SIPA1L3: variants seen among roughly 807,000 people sequenced by gnomAD.
SIPA1L3 encodes signal-induced proliferation-associated 1-like protein 3.
In SIPA1L3, 59 loss-of-function variants were observed where a neutral mutation model predicts 150.1. The observed-to-expected ratio is 0.39, with a 90% CI of 0.32 to 0.49. The LOEUF is 0.49. Among genes scored for constraint, SIPA1L3 ranks in the 20% least tolerant of loss-of-function variants. The pLI, the probability that SIPA1L3 is intolerant of heterozygous loss-of-function variation, is 0.86. For missense variants in SIPA1L3, 2,211 were observed against 2,489.5 expected, an observed-to-expected ratio of 0.89 and a Z score of 2.38; for synonymous variants, 1,070 against 1,077.6, an observed-to-expected ratio of 0.99 and a Z score of 0.14.
At chr19:37,940,303 A>C (rs573755191) in intron 1 of SIPA1L3, among the ~76,000 whole-genome samples, 1 of 151,932 alleles carries the variant, frequency 6.6e-6, no homozygotes, top group South Asian at 2.1e-4. Flanking sequence ...ACAAACAAAA[A>C]AAAAAACAAA....
chr19:38,143,977 A>C (rs1050358366), intron 12 of SIPA1L3, among the ~76,000 whole-genome samples: 1 of 152,092 alleles, frequency 6.6e-6, no homozygotes, highest in African/African-American at 2.4e-5. Context: ...CACTTTAGCC[A>C]CACTGGCCAC....
intron 15 of SIPA1L3, among the ~76,000 whole-genome samples, chr19:38,169,099 C>G (rs1379084282): frequency 6.6e-6 from 1 of 152,114 alleles, no homozygotes; most frequent in Non-Finnish European, 1.5e-5. Flanking sequence ...TTTAAAAAAA[C>G]ATATCCAGGC....
intron 1 of SIPA1L3, among the ~76,000 whole-genome samples, chr19:37,945,693 A>G (rs1192229142): frequency 6.6e-6 from 1 of 152,196 alleles, no homozygotes; most frequent in Non-Finnish European, 1.5e-5. Flanking sequence ...TTTAATGGCT[A>G]CATAGCATTC....
At chr19:38,156,382 A>C (rs1971949736) in intron 13 of SIPA1L3, among the ~76,000 whole-genome samples, 1 of 151,412 alleles carries the variant, frequency 6.6e-6, no homozygotes, top group Non-Finnish European at 1.5e-5. Context: ...GGCCCCAAAA[A>C]AGAAACTCAC....
chr19:38,026,080 C>T (rs1312889872), intron 1 of SIPA1L3, among the ~76,000 whole-genome samples: 1 of 152,142 alleles, frequency 6.6e-6, no homozygotes, highest in East Asian at 1.9e-4. Context: ...AAAAGGAAGT[C>T]TAAAAGGAAG....
intron 13 of SIPA1L3, among the ~76,000 whole-genome samples, chr19:38,160,745 G>C (rs1972065108): frequency 6.6e-6 from 1 of 152,084 alleles, no homozygotes; most frequent in South Asian, 2.1e-4. Context: ...CTTCACCTTT[G>C]GACCAGCAAT....
In SIPA1L3 at chr19:38,164,873, C is replaced by A; in HGVS notation, c.4175C>A (p.Ala1392Glu). Residue 1392 changes from alanine (A) to glutamate (E), a missense_variant, in exon 15 of 22, where the codon GCG becomes GAG. Coordinates refer to ENST00000222345, the MANE Select transcript of SIPA1L3 (RefSeq NM_015073.3). The surrounding 1 kb of genome is among the most constrained non-coding windows in gnomAD (Gnocchi z 4.1). The stretch of plus-strand genomic sequence containing the variant: ...GGCTCCAGCACCCCCACGGGACTGG[C>A]GGGGGGCAGCCGAGACCCACCGAGG... ...SSGSSTPTGL[A>E]GGSRDPPRQP... The A allele has an allele frequency of 1.3e-6, 2 of 1,564,300 alleles. No individual in the cohort carries two copies. The highest frequency in any genetic ancestry group is 1.7e-6 in the Non-Finnish European group (2 of 1,152,892).
In SIPA1L3 at chr19:38,110,365, A is replaced by G; in HGVS notation, c.2272A>G (p.Thr758Ala). Residue 758 changes from threonine (T) to alanine (A), a missense_variant, in exon 8 of 22, where the codon ACT (threonine) becomes GCT (alanine). This residue lies in a region of SIPA1L3 where 625 missense variants were observed against 804.2 expected (regional missense o/e 0.78). Coordinates refer to ENST00000222345, the MANE Select transcript of SIPA1L3 (RefSeq NM_015073.3). Reference sequence around the variant, plus strand: ...CATTGTCCGAGTCCACAACCCCTGCACTGATAACGTCTGTTACAGGTATGC... The same window carrying G: ...CATTGTCCGAGTCCACAACCCCTGCGCTGATAACGTCTGTTACAGGTATGC... ...FIIVRVHNPC[T>A]DNVCYSMAVT... 5 of 1,613,722 alleles carry G rather than the reference A, an allele frequency of 3.1e-6. No individual in the cohort carries two copies. Among genetic ancestry groups the G allele is most frequent in the Non-Finnish European group, 4.2e-6 (5 of 1,179,882 alleles).
chr19:37,998,844 A>T (rs1967706380), intron 1 of SIPA1L3, among the ~76,000 whole-genome samples: 1 of 152,144 alleles, frequency 6.6e-6, no homozygotes, highest in Admixed American at 6.6e-5. Flanking sequence ...AAAAGGAAGA[A>T]ATAAAGAATA....
At position 38,100,148 on chromosome 19, in the gene SIPA1L3, G is replaced by A; in HGVS notation, c.1852G>A (p.Gly618Arg). 1 of 1,570,344 alleles carries A rather than the reference G, an allele frequency of 6.4e-7. No individual in the cohort carries two copies. The highest frequency in any genetic ancestry group is 2.4e-5 in the East Asian group (1 of 41,500). Residue 618 changes from glycine to arginine, a missense_variant and splice_region_variant, in exon 5 of 22, where the codon GGG becomes AGG. Coordinates refer to ENST00000222345, the MANE Select transcript of SIPA1L3 (RefSeq NM_015073.3). Reference protein sequence around the residue: ...TEQLLKLDEQGLCRKHKVGIL... With the variant: ...TEQLLKLDEQRLCRKHKVGIL... ...GCAACTGCTGAAGCTCGATGAGCAA[G>A]GGGTGAGTCAGGGGCTGGAGGTGGG...
rs751690199 is a variant in SIPA1L3, at chr19:38,082,441, C to T, written c.876C>T (p.Gly292=). The change falls in exon 3 of 22, where the codon GGC becomes GGT. Residue 292 remains glycine, a synonymous_variant. Coordinates refer to ENST00000222345, the MANE Select transcript of SIPA1L3 (RefSeq NM_015073.3). ...GGAAGAAACCTGCGCGGGGCCTCGG[C>T]GGCGGGGACACGGTGGACTCGTCCA... ...KARKKPARGL[G]GGDTVDSSIF... The T allele has an allele frequency of 3.1e-6, 5 of 1,589,848 alleles. No homozygotes were observed. The highest frequency in any genetic ancestry group is 1.7e-5 in the Admixed American group (1 of 57,554).
chr19:38,106,764 T>C, intron 7 of SIPA1L3, 124 bp downstream of exon 7: 3 of 669,810 alleles, frequency 4.5e-6, no homozygotes, highest in African/African-American at 1.8e-5. Flanking sequence ...ATCTTTACTA[T>C]GGTCACTTTC....
intron 1 of SIPA1L3, among the ~76,000 whole-genome samples, chr19:37,984,545 G>A (rs1023562883): frequency 1.3e-5 from 2 of 152,220 alleles, no homozygotes; most frequent in Admixed American, 6.5e-5. Flanking sequence ...GAAACTAGCA[G>A]ACTAGGCTAG....
chr19:38,132,584 CAA>C (rs375027167), intron 10 of SIPA1L3, among the ~76,000 whole-genome samples: 8 of 108,508 alleles, frequency 7.4e-5, no homozygotes, highest in Non-Finnish European at 1.1e-4. Flanking sequence ...AGCTACGTCT[CAA>C]AAAAAAAAAA....
chr19:38,158,936 G>C (rs1972012011), intron 13 of SIPA1L3, among the ~76,000 whole-genome samples: 2 of 152,240 alleles, frequency 1.3e-5, no homozygotes, highest in Admixed American at 1.3e-4. Flanking sequence ...GGTCAGCCCA[G>C]AGGTAGAGCA....
intron 8 of SIPA1L3, among the ~76,000 whole-genome samples, chr19:38,118,921 G>A (rs1274155569): frequency 6.6e-6 from 1 of 152,144 alleles, no homozygotes; most frequent in Non-Finnish European, 1.5e-5. Context: ...CTGGCCGCGT[G>A]TGGTGGCTCA....
chr19:38,079,656 A>G (rs1328745850), intron 2 of SIPA1L3, among the ~76,000 whole-genome samples: 1 of 150,748 alleles, frequency 6.6e-6, no homozygotes, highest in African/African-American at 2.4e-5. Context: ...CCCGGGTTCG[A>G]GTGATCCTTT....
intron 3 of SIPA1L3, 139 bp from the exon 4 acceptor site, chr19:38,088,582 C>T: frequency 2.4e-5 from 25 of 1,029,582 alleles, no homozygotes; most frequent in Non-Finnish European, 3.5e-5. Flanking sequence ...TGTCTGTGAC[C>T]AGGCATGAGG....
intron 4 of SIPA1L3, among the ~76,000 whole-genome samples, chr19:38,094,154 C>A (rs1311401918): frequency 6.6e-6 from 1 of 152,130 alleles, no homozygotes; most frequent in Non-Finnish European, 1.5e-5. Flanking sequence ...CATAAGTATG[C>A]AAAGTAGAAA....
Sources: gnomAD v4.1 joint callset for allele counts (sites outside exome capture counted in the v4.1 genomes callset) on GRCh38, gnomAD v4.1.1 for gene constraint, gnomAD v4.1.1 regional missense constraint, Gnocchi (gnomAD v3.1) non-coding constraint, MANE v1.5 for transcripts, NCBI Gene and HGNC (gene_info 2026-07-23, HGNC 2026-07-21) for gene names.